Variants in GSK3B observed in about 807,000 individuals in gnomAD.
GSK3B encodes glycogen synthase kinase 3 beta.
In GSK3B, 15 loss-of-function variants were observed where a neutral mutation model predicts 56.4. The observed-to-expected ratio is 0.27, with a 90% confidence interval of 0.18 to 0.41. The LOEUF (loss-of-function observed/expected upper bound fraction) is 0.41. GSK3B is among the 10% of genes least tolerant of loss of function. GSK3B has a pLI of 1.00. For synonymous variants in GSK3B, 181 were observed against 188.9 expected (o/e 0.96, Z 0.34); for missense variants, 300 against 513.4 (o/e 0.58, Z 4.02).
At chr3:120,059,786 A>C (rs2058221489) in intron 1 of GSK3B, among the ~76,000 whole-genome samples, 1 of 152,198 alleles carries the variant, frequency 6.6e-6, no homozygotes, top group Non-Finnish European at 1.5e-5. Flanking sequence ...TCAGGGAACA[A>C]AGTTCTGAAA....
chr3:119,923,444 G>A lies in GSK3B; in HGVS notation c.406C>T (p.Pro136Ser). The A allele has an allele frequency of 6.2e-7, 1 of 1,603,860 alleles. No individual in the cohort carries two copies. Residue 136 changes from proline to serine, a missense_variant, in exon 4 of 11, where the codon CCG (proline) becomes TCG (serine). Pro to Ser is a moderately conservative substitution (Grantham distance 74). This residue lies in a region of GSK3B where 62 missense variants were observed against 84.0 expected (regional missense o/e 0.74). Transcript: ENST00000264235. ...VYLNLVLDYVPETVYRVARHY... is the reference protein window; with the variant it reads ...VYLNLVLDYVSETVYRVARHY... ...CTGGCAACTCTGTATACTGTTTCCG[G>A]AACATAGTCCAGCACCAGATTAAGA...
chr3:119,995,636 T>C (rs188607299), intron 2 of GSK3B, among the ~76,000 whole-genome samples: 3 of 152,070 alleles, frequency 2.0e-5, no homozygotes, highest in Admixed American at 6.6e-5. Context: ...GGTTTCACCA[T>C]ATTGGTCAGG....
chr3:119,843,066 C>T (rs1370964987), intron 10 of GSK3B, among the ~76,000 whole-genome samples, 189 bp downstream of exon 10: 1 of 152,022 alleles, frequency 6.6e-6, no homozygotes, highest in African/African-American at 2.4e-5. Flanking sequence ...CAGGCACCTG[C>T]CACCACACCT....
At chr3:119,832,704 G>A (rs2055622708) in intron 10 of GSK3B, among the ~76,000 whole-genome samples, 1 of 152,134 alleles carries the variant, frequency 6.6e-6, no homozygotes, top group Admixed American at 6.5e-5. Flanking sequence ...ATGGCTCTAT[G>A]GCTTTGTACC....
chr3:120,073,457 C>T (rs334535), intron 1 of GSK3B, among the ~76,000 whole-genome samples: 42,953 of 152,064 alleles, frequency 0.28, 7,989 homozygotes, highest in African/African-American at 0.54. Flanking sequence ...AACTACACTT[C>T]TTACCCATCT....
rs1192367802 is a variant in GSK3B at position 120,004,794 on chromosome 3, T to C, written c.89-2555A>G. Among the ~76,000 whole-genome samples, 11 of 152,132 alleles carry C rather than the reference T, an allele frequency of 7.2e-5. No individual in the cohort carries two copies. In the East Asian group the frequency reaches 7.7e-4, roughly 11 times the overall value. On this transcript the variant is annotated intron_variant, in intron 1 of 10. Transcript: ENST00000264235. ...GGCCACCAACATCAAAGACCAAAGATAGATAAAACCACAAAGATGGGGAGA... is the reference window on the plus strand; with the variant it reads ...GGCCACCAACATCAAAGACCAAAGACAGATAAAACCACAAAGATGGGGAGA...
At chr3:119,831,807 C>A (rs1436582183) in intron 10 of GSK3B, among the ~76,000 whole-genome samples, 1 of 152,182 alleles carries the variant, frequency 6.6e-6, no homozygotes, top group Non-Finnish European at 1.5e-5. Context: ...TTTGAAGCTT[C>A]CTATAAACCA....
chr3:119,827,337 G>A (rs1011960367), intron 10 of GSK3B, among the ~76,000 whole-genome samples: 1 of 152,142 alleles, frequency 6.6e-6, no homozygotes, highest in African/African-American at 2.4e-5. Context: ...TATTCATAGA[G>A]ATGGAAGACA....
chr3:120,004,825 C>T (rs1434714575), intron 1 of GSK3B, among the ~76,000 whole-genome samples: 1 of 152,076 alleles, frequency 6.6e-6, no homozygotes, highest in Non-Finnish European at 1.5e-5. Flanking sequence ...GGAGAAACCA[C>T]AGCAGAAAGG....
intron 1 of GSK3B, among the ~76,000 whole-genome samples, chr3:120,033,558 ATAATGGC>A (rs1182030420): frequency 1.3e-5 from 2 of 152,196 alleles, no homozygotes; most frequent in Non-Finnish European, 2.9e-5. Context: ...TTTTATTTCC[ATAATGGC>A]TAATGATGTT....
At chr3:119,888,560 T>C (rs114111035) in intron 7 of GSK3B, among the ~76,000 whole-genome samples, 1,633 of 152,220 alleles carry the variant, frequency 0.011, 24 homozygotes, top group African/African-American at 0.038. Context: ...GTGTTAACTG[T>C]ACAAATTGAC....
chr3:119,920,896 A>C (rs991853625), intron 4 of GSK3B, among the ~76,000 whole-genome samples: 2 of 152,224 alleles, frequency 1.3e-5, no homozygotes, highest in Admixed American at 1.3e-4. Flanking sequence ...CATATTTCCT[A>C]GCTCTGTTCG....
chr3:119,936,256 G>A (rs917837950), intron 3 of GSK3B, among the ~76,000 whole-genome samples: 16 of 148,660 alleles, frequency 1.1e-4, no homozygotes, highest in Admixed American at 8.7e-4. Context: ...CCAGAACGGT[G>A]TCCAGAAGAA....
intron 1 of GSK3B, among the ~76,000 whole-genome samples, chr3:120,067,216 G>A (rs1411941397): frequency 7.0e-6 from 1 of 142,000 alleles, no homozygotes; most frequent in Non-Finnish European, 1.5e-5. Flanking sequence ...AAGAATAGAC[G>A]CAGTAATCAA....
At chr3:119,874,374 AATAAT>A (rs1393526049) in intron 8 of GSK3B, among the ~76,000 whole-genome samples, 1 of 152,104 alleles carries the variant, frequency 6.6e-6, no homozygotes, top group Non-Finnish European at 1.5e-5. Flanking sequence ...AACAATAACT[AATAAT>A]AAAATAGAAT....
rs963788394 is a variant in GSK3B at position 119,824,017 on chromosome 3, T to G, written c.*2771A>C. 1 of 202,304 alleles carries G rather than the reference T, an allele frequency of 4.9e-6. No homozygotes were observed. Among genetic ancestry groups the G allele is most frequent in the African/African-American group, 2.3e-5 (1 of 43,588 alleles). The allele number at this position is 202,304 out of a possible 1,614,324, so 12.5% of individuals were successfully genotyped here. Reference sequence around the variant, plus strand: ...TACAATAATACAGGCCGGTACCTACTGTACAGAGTTAAAACTATATGGCTT... The same window carrying G: ...TACAATAATACAGGCCGGTACCTACGGTACAGAGTTAAAACTATATGGCTT... On this transcript the variant is annotated 3_prime_UTR_variant, in exon 11 of 11. Coordinates refer to ENST00000264235, the MANE Select transcript of GSK3B (RefSeq NM_001146156.2).
At chr3:120,001,012 C>T (rs1265939698) in intron 2 of GSK3B, among the ~76,000 whole-genome samples, 1 of 148,210 alleles carries the variant, frequency 6.7e-6, no homozygotes, top group East Asian at 2.0e-4. Context: ...ACAAGCTCTG[C>T]CTCCCGGGTT....
intron 7 of GSK3B, among the ~76,000 whole-genome samples, chr3:119,878,712 G>A (rs954960400): frequency 1.3e-5 from 2 of 151,816 alleles, no homozygotes; most frequent in Non-Finnish European, 2.9e-5. Context: ...AAACCAAAAT[G>A]GCATCATCAA....
intron 10 of GSK3B, among the ~76,000 whole-genome samples, chr3:119,836,810 A>G (rs1451409825): frequency 6.6e-6 from 1 of 152,256 alleles, no homozygotes; most frequent in Non-Finnish European, 1.5e-5. Flanking sequence ...CCCAGTTCCA[A>G]TGAATTTATC....
Sources: allele counts gnomAD v4.1 joint callset (sites outside exome capture counted in the v4.1 genomes callset), GRCh38; gene constraint gnomAD v4.1.1; regional missense constraint gnomAD v4.1.1; transcripts MANE v1.5; gene names NCBI Gene and HGNC (gene_info 2026-07-23, HGNC 2026-07-21).